The following BNIP1 variants were observed in gnomAD, a reference collection of about 807,000 sequenced individuals.
The protein encoded by BNIP1 is BCL2 interacting protein 1.
In BNIP1, 25 loss-of-function variants were observed where a neutral mutation model predicts 28.5. The ratio of observed to expected loss-of-function variants is 0.88; its 90% CI spans 0.64 to 1.23. The LOEUF is 1.23. Among genes scored for constraint, BNIP1 ranks in the 50% most tolerant of loss-of-function variants. BNIP1 has a pLI of 0.00. For synonymous variants in BNIP1, 118 were observed against 101.7 expected (o/e 1.16, Z -0.96); for missense variants, 276 against 277.0 (o/e 1.00, Z 0.02).
chr5:173,160,117 C>T, intron 5 of BNIP1, 66 bp downstream of exon 5: 4 of 1,454,992 alleles, frequency 2.7e-6, no homozygotes, highest in East Asian at 2.3e-5. Context: ...TGCCCTGGCA[C>T]CTCCACTCTG....
At position 173,144,770 on chromosome 5, in the gene BNIP1, C is replaced by G. The variant is rs909424794; in HGVS notation, c.84+141C>G. 4 of 845,932 alleles carry G rather than the reference C, an allele frequency of 4.7e-6. No homozygotes were observed. The South Asian group carries it at 5.2e-5, about 11-fold the overall frequency. 52.4% of individuals were successfully genotyped at this position (845,932 alleles called of 1,614,324 possible). ...CTCCGCCCCATGGTCGGCTACCCCC[C>G]CGGTCCCCATTTGGTTGTGTCCCGG... On this transcript the variant is annotated intron_variant, in intron 1 of 5. Transcript: ENST00000351486.
Position 173,144,538 on chromosome 5 carries a change from T to C in BNIP1, c.-8T>C. 1 of 1,613,914 alleles carries C rather than the reference T, an allele frequency of 6.2e-7. No individual in the cohort carries two copies. The highest frequency in any genetic ancestry group is 1.1e-5 in the South Asian group (1 of 91,062). ...GTCCTGCCGCTGCCCGTAGCCGGCG[T>C]CCCCAACATGGCGGCTCCCCAAGAC... is the stretch of plus-strand genomic sequence containing the variant. On this transcript the variant is annotated 5_prime_UTR_variant, in exon 1 of 6. Coordinates refer to ENST00000351486, the MANE Select transcript of BNIP1 (RefSeq NM_001205.3).
rs775280476 is a variant in BNIP1 at position 173,158,735 on chromosome 5, C to T, written c.270-9C>T. ...TGGACACACTCACACGTGAACCTTC[C>T]AATTCCAGCAATCAGGCCTCATGGA... On this transcript the variant is annotated splice_polypyrimidine_tract_variant and intron_variant, in intron 3 of 5. Transcript: ENST00000351486. 6.2e-7 allele frequency: 1 copy of T among 1,610,700 alleles called. No individual in the cohort carries two copies. The highest frequency in any genetic ancestry group is 8.5e-7 in the Non-Finnish European group (1 of 1,177,514).
chr5:173,155,062 AAACCTGCTG>A (rs1457402418), intron 3 of BNIP1, among the ~76,000 whole-genome samples: 2 of 152,232 alleles, frequency 1.3e-5, no homozygotes, highest in Non-Finnish European at 2.9e-5. Context: ...TACAGAAAGA[AAACCTGCTG>A]AAGGTGGACC....
chr5:173,148,072 AAAAAAAAAAAAATATATATATATATATAT>A, intron 2 of BNIP1, among the ~76,000 whole-genome samples: 1 of 45,242 alleles, frequency 2.2e-5, no homozygotes, highest in Non-Finnish European at 3.8e-5. Context: ...CAAAAAAAAA[AAAAAAAAAAAAATATATATATATATATAT>A]ATATATATAT....
intron 5 of BNIP1, chr5:173,160,680 T>C (rs1760337990): frequency 2.5e-6 from 1 of 394,444 alleles, no homozygotes; most frequent in Non-Finnish European, 5.1e-6. Context: ...TGGAGTCTGA[T>C]TTTCAGTGAG....
chr5:173,149,364 C>T (rs964573458), intron 2 of BNIP1, among the ~76,000 whole-genome samples: 2 of 152,148 alleles, frequency 1.3e-5, no homozygotes, highest in Admixed American at 6.5e-5. Flanking sequence ...TGCAGGGAAA[C>T]TCCTGTTTTT....
chr5:173,150,802 A>T (rs1043880824), intron 2 of BNIP1, among the ~76,000 whole-genome samples: 3 of 152,000 alleles, frequency 2.0e-5, no homozygotes, highest in African/African-American at 7.3e-5. Context: ...AAAAAGTAGC[A>T]TACTAACACA....
intron 2 of BNIP1, among the ~76,000 whole-genome samples, chr5:173,148,080 AAAAATATATATAT>A (rs1759900848): frequency 4.0e-5 from 2 of 49,476 alleles, no homozygotes; most frequent in Non-Finnish European, 6.9e-5. Flanking sequence ...AAAAAAAAAA[AAAAATATATATAT>A]ATATATATAT....
intron 3 of BNIP1, among the ~76,000 whole-genome samples, chr5:173,157,631 T>A (rs1760238137): frequency 6.6e-6 from 1 of 152,128 alleles, no homozygotes; most frequent in Non-Finnish European, 1.5e-5. Context: ...GCCAGGCTGG[T>A]CTCGAACTCC....
intron 4 of BNIP1, among the ~76,000 whole-genome samples, chr5:173,159,654 G>A (rs1223670793): frequency 6.6e-6 from 1 of 152,132 alleles, no homozygotes; most frequent in Non-Finnish European, 1.5e-5. Flanking sequence ...TTCCTTTGGA[G>A]GGATTTCCAG....
At chr5:173,163,314 T>C (rs946845499) in intron 5 of BNIP1, among the ~76,000 whole-genome samples, 2 of 152,184 alleles carry the variant, frequency 1.3e-5, no homozygotes, top group African/African-American at 4.8e-5. Flanking sequence ...AGGCCGCACC[T>C]CATAGGTGGA....
chr5:173,145,547 A>G (rs5745109), intron 1 of BNIP1, among the ~76,000 whole-genome samples: 2,366 of 152,112 alleles, frequency 0.016, 66 homozygotes, highest in African/African-American at 0.053. Flanking sequence ...GACTACAGGC[A>G]CCCGCCACCA....
intron 2 of BNIP1, chr5:173,151,522 C>G (rs1181048384): frequency 1.9e-6 from 3 of 1,577,342 alleles, no homozygotes; most frequent in African/African-American, 1.4e-5. Context: ...CACCTGGTCT[C>G]TCATTCTTTT....
At position 173,154,411 on chromosome 5, in the gene BNIP1, C is replaced by T. The variant is rs748493689; in HGVS notation, c.267C>T (p.Leu89=). 3 of 1,611,670 alleles carry T rather than the reference C, an allele frequency of 1.9e-6. No individual in the cohort carries two copies. Among genetic ancestry groups the T allele is most frequent in the East Asian group, 2.2e-5 (1 of 44,818 alleles). ...TGGAGAATCACAAAAAGCAGATGCT[C>T]AGGTAGGCAGGGCCTGCCCCCGCCA... The part of the protein sequence containing the change: ...QEVENHKKQM[L]SNQASWRKAN... Residue 89 remains leucine, a splice_region_variant and synonymous_variant, in exon 3 of 6, where the codon CTC becomes CTT. Transcript: ENST00000351486.
At chr5:173,159,840 A>G (rs1382639328) in intron 4 of BNIP1, 93 bp from the exon 5 acceptor site, 4 of 1,027,698 alleles carry the variant, frequency 3.9e-6, no homozygotes, top group Non-Finnish European at 6.0e-6. Flanking sequence ...CTAATTGGAT[A>G]GGTAAAACAT....
chr5:173,155,432 G>A (rs1035820405), intron 3 of BNIP1, among the ~76,000 whole-genome samples: 7 of 152,108 alleles, frequency 4.6e-5, no homozygotes, highest in South Asian at 4.1e-4. Context: ...CCAGTGCGGC[G>A]GCTCACGCCT....
At chr5:173,144,715 C>A in intron 1 of BNIP1, 86 bp downstream of exon 1, 1 of 1,410,760 alleles carries the variant, frequency 7.1e-7, no homozygotes, top group Non-Finnish European at 9.8e-7. Context: ...CACTCCCGAA[C>A]TTTCCCCACT....
At chr5:173,160,209 T>C (rs1297467586) in intron 5 of BNIP1, among the ~76,000 whole-genome samples, 158 bp downstream of exon 5, 2 of 151,638 alleles carry the variant, frequency 1.3e-5, no homozygotes, top group African/African-American at 2.4e-5. Flanking sequence ...CATGGTCTTA[T>C]CCAGTGTGGG....
Sources: allele counts gnomAD v4.1 joint callset (sites outside exome capture counted in the v4.1 genomes callset), GRCh38; gene constraint gnomAD v4.1.1; transcripts MANE v1.5; gene names NCBI Gene and HGNC (gene_info 2026-07-23, HGNC 2026-07-21).